The following SGK3 variants were observed in gnomAD, a reference collection of about 807,000 sequenced individuals.
The protein encoded by SGK3 is serine/threonine-protein kinase Sgk3.
A neutral mutation model predicts 68.5 loss-of-function variants in SGK3; 47 were observed. The ratio of observed to expected loss-of-function variants is 0.69; its 90% confidence interval spans 0.54 to 0.87. The LOEUF is 0.87. SGK3 is among the 40% of genes least tolerant of loss of function. The pLI is 0.00. For synonymous variants in SGK3, 181 were observed against 189.1 expected (o/e 0.96, Z 0.35); for missense variants, 479 against 575.5 (o/e 0.83, Z 1.72).
At chr8:66,769,593 C>T (rs1806440245) in intron 1 of SGK3, among the ~76,000 whole-genome samples, 1 of 152,230 alleles carries the variant, frequency 6.6e-6, no homozygotes, top group South Asian at 2.1e-4. Context: ...ATCTTTTCTT[C>T]TGTAATGTCT....
chr8:66,719,697 G>A lies in SGK3; in HGVS notation c.-122+6864G>A, dbSNP rs561415657. Among the ~76,000 whole-genome samples the A allele has an allele frequency of 4.6e-5, 7 of 152,018 alleles. No homozygotes were observed. In the South Asian group the frequency reaches 1.0e-3, roughly 23 times the overall value. Reference sequence around the variant, plus strand: ...AGTTTTGATAGCTGCATAGTATTCCGCTTTATAATTGATTATCAATTTTCT... The same window carrying A: ...AGTTTTGATAGCTGCATAGTATTCCACTTTATAATTGATTATCAATTTTCT... On this transcript the variant is annotated intron_variant, in intron 1 of 16. Transcript: ENST00000521198.
chr8:66,780,797 A>G (rs2130525341), intron 1 of SGK3, among the ~76,000 whole-genome samples: 1 of 152,282 alleles, frequency 6.6e-6, no homozygotes, highest in South Asian at 2.1e-4. Context: ...AGCCGTGGAA[A>G]GGGGGTTAAG....
chr8:66,825,941 A>C (rs759675453), intron 6 of SGK3, among the ~76,000 whole-genome samples: 1 of 152,098 alleles, frequency 6.6e-6, no homozygotes, highest in Non-Finnish European at 1.5e-5. Flanking sequence ...CAAGTTGTTC[A>C]TGTTGTTTAA....
intron 1 of SGK3, among the ~76,000 whole-genome samples, chr8:66,743,547 G>A (rs993999421): frequency 6.6e-6 from 1 of 152,212 alleles, no homozygotes; most frequent in African/African-American, 2.4e-5. Flanking sequence ...GTTTTTGTTT[G>A]AGATGGAGTT....
chr8:66,821,151 C>A (rs1156514034), intron 5 of SGK3, among the ~76,000 whole-genome samples: 8 of 151,966 alleles, frequency 5.3e-5, no homozygotes, highest in Non-Finnish European at 8.8e-5. Flanking sequence ...GTCATGAGTC[C>A]ATCTGTGGGC....
chr8:66,815,142 C>G (rs1808528610), intron 5 of SGK3, among the ~76,000 whole-genome samples: 1 of 152,206 alleles, frequency 6.6e-6, no homozygotes, highest in African/African-American at 2.4e-5. Context: ...TTATAGCTCA[C>G]AGAGGCCTTC....
intron 1 of SGK3, among the ~76,000 whole-genome samples, chr8:66,765,805 C>A (rs1423664084): frequency 2.0e-5 from 3 of 152,046 alleles, no homozygotes; most frequent in African/African-American, 7.2e-5. Flanking sequence ...GGGTGGATCA[C>A]CTGAGGTCAG....
intron 3 of SGK3, among the ~76,000 whole-genome samples, chr8:66,800,384 T>C (rs1444166378): frequency 2.7e-5 from 4 of 146,872 alleles, no homozygotes; most frequent in Non-Finnish European, 6.0e-5. Context: ...CATTTCTTTT[T>C]TTTTTTTTTT....
intron 1 of SGK3, among the ~76,000 whole-genome samples, chr8:66,753,002 CA>C (rs1422309144): frequency 6.6e-6 from 1 of 152,056 alleles, no homozygotes; most frequent in African/African-American, 2.4e-5. Context: ...AGGTGTGAGC[CA>C]CCATGCCTGG....
rs1295684358 is a variant in SGK3, at chr8:66,850,851, T to G, written c.1251T>G (p.Pro417=). 6.2e-7 allele frequency: 1 copy of G among 1,607,186 alleles called. No homozygotes were observed. Among genetic ancestry groups the G allele is most frequent in the Admixed American group, 1.7e-5 (1 of 59,272 alleles). ...KEDFLEIQNH[P]FFESLSWADL... ...TCCAGCTTGAAATTCAGAATCATCCTTTTTTTGAATCACTCAGCTGGGCTG... is the reference window on the plus strand; with the variant it reads ...TCCAGCTTGAAATTCAGAATCATCCGTTTTTTGAATCACTCAGCTGGGCTG... Residue 417 remains proline (P), a synonymous_variant, in exon 16 of 17, where the codon CCT becomes CCG. Coordinates refer to ENST00000521198, the MANE Select transcript of SGK3 (RefSeq NM_001033578.3).
intron 1 of SGK3, among the ~76,000 whole-genome samples, chr8:66,792,072 G>C (rs1201775829): frequency 2.0e-5 from 3 of 152,198 alleles, no homozygotes; most frequent in Non-Finnish European, 4.4e-5. Flanking sequence ...GTTCACGCCT[G>C]TAATCCCAGC....
chr8:66,857,282 G>A (rs928209943), intron 16 of SGK3, among the ~76,000 whole-genome samples: 3 of 152,102 alleles, frequency 2.0e-5, no homozygotes, highest in African/African-American at 4.8e-5. Flanking sequence ...CTGGGTTTTT[G>A]TGGTCTCTGC....
chr8:66,730,279 G>C (rs79621751), intron 1 of SGK3, among the ~76,000 whole-genome samples: 1 of 151,906 alleles, frequency 6.6e-6, no homozygotes, highest in African/African-American at 2.4e-5. Flanking sequence ...TGTCTATTCA[G>C]ATTCTTTCCT....
At chr8:66,754,667 G>A (rs1057293507) in intron 1 of SGK3, among the ~76,000 whole-genome samples, 2 of 152,188 alleles carry the variant, frequency 1.3e-5, no homozygotes, top group Admixed American at 1.3e-4. Context: ...AAGTAATTCT[G>A]TACATGGAAC....
chr8:66,856,727 A>C (rs1303461157), intron 16 of SGK3, among the ~76,000 whole-genome samples: 1 of 152,214 alleles, frequency 6.6e-6, no homozygotes, highest in Non-Finnish European at 1.5e-5. Context: ...TTATTAACGC[A>C]TCAGATCCTT....
chr8:66,720,781 T>TATATATATATATATATATATATATATA (rs1554590873), intron 1 of SGK3, among the ~76,000 whole-genome samples: 1 of 146,244 alleles, frequency 6.8e-6, no homozygotes, highest in African/African-American at 2.7e-5. Flanking sequence ...AAAAAAAAAA[T>TATATATATATATATATATATATATATA]TATATATATA....
chr8:66,772,896 G>C (rs1806561281), intron 1 of SGK3, among the ~76,000 whole-genome samples: 1 of 152,162 alleles, frequency 6.6e-6, no homozygotes, highest in African/African-American at 2.4e-5. Flanking sequence ...TGGGATTACA[G>C]GTGTGAGCCA....
At chr8:66,803,412 C>T (rs549649201) in intron 3 of SGK3, among the ~76,000 whole-genome samples, 48 of 152,168 alleles carry the variant, frequency 3.2e-4, no homozygotes, top group African/African-American at 1.0e-3. Context: ...ACACTGCAAC[C>T]TTGACCTCCC....
intron 4 of SGK3, among the ~76,000 whole-genome samples, chr8:66,809,554 A>T (rs1272425248): frequency 6.6e-6 from 1 of 152,206 alleles, no homozygotes; most frequent in Admixed American, 6.5e-5. Flanking sequence ...GGGAAAAAAA[A>T]AACCTTATGA....
Sources: gnomAD v4.1 joint callset for allele counts (sites outside exome capture counted in the v4.1 genomes callset) on GRCh38, gnomAD v4.1.1 for gene constraint, MANE v1.5 for transcripts, NCBI Gene and HGNC (gene_info 2026-07-23, HGNC 2026-07-21) for gene names.